The following PLCH2 variants were observed in gnomAD, a reference collection of about 807,000 sequenced individuals.
PLCH2 encodes phospholipase C eta 2, also known as 1-phosphatidylinositol 4,5-bisphosphate phosphodiesterase eta-2.
In PLCH2, 98 loss-of-function variants were observed where a neutral mutation model predicts 134.7. That is an observed-to-expected ratio of 0.73 (90% confidence interval 0.62 to 0.86). The LOEUF (loss-of-function observed/expected upper bound fraction) is 0.86, where lower values mean the gene tolerates loss of function less well. Ranked by LOEUF, PLCH2 falls within the 40% of genes least tolerant of loss-of-function variation. The pLI, the probability that PLCH2 is intolerant of heterozygous loss-of-function variation, is 0.00. For missense variants in PLCH2, 1,994 were observed against 1,986.6 expected (o/e 1.00, Z -0.07); for synonymous variants, 974 against 827.5 (o/e 1.18, Z -3.04).
intron 2 of PLCH2, among the ~76,000 whole-genome samples, chr1:2,438,429 G>A (rs1041333578): frequency 1.3e-5 from 2 of 152,140 alleles, no homozygotes; most frequent in Non-Finnish European, 2.9e-5. Context: ...CCAGGGGAGG[G>A]TCTGTCCAGG....
intron 21 of PLCH2, 60 bp from the exon 22 acceptor site, chr1:2,503,862 C>T (rs1643375598): frequency 3.0e-6 from 2 of 660,790 alleles, no homozygotes; most frequent in African/African-American, 3.6e-5. Flanking sequence ...CTCTCCCTGC[C>T]TCCCTCTCTC....
intron 2 of PLCH2, among the ~76,000 whole-genome samples, chr1:2,436,012 C>T (rs1406360954): frequency 1.8e-5 from 2 of 113,902 alleles, no homozygotes; most frequent in Non-Finnish European, 3.8e-5. Context: ...CTCCCGCTTC[C>T]CTCCTCTCTC....
rs202203161 is a variant in PLCH2 at position 2,499,715 on chromosome 1, G to A, written c.2656G>A (p.Gly886Ser). 1.8e-5 allele frequency: 29 copies of A among 1,581,198 alleles called. No individual in the cohort carries two copies. In the Admixed American group the frequency reaches 2.5e-4, roughly 14 times the overall value. The change falls in exon 20 of 22, where the codon GGT becomes AGT. Residue 886 changes from glycine to serine, a missense_variant. By Grantham distance (56) the Gly-to-Ser change is moderately conservative. Transcript: ENST00000378486. The stretch of plus-strand genomic sequence containing the variant: ...GCATGTGGCTGTCAGTGACATCAGC[G>A]GTAAGGTGAGTGTCACCCCCTGCCA... ...FVHVAVSDISGKVKQALGLKG... is the reference protein window; with the variant it reads ...FVHVAVSDISSKVKQALGLKG...
intron 2 of PLCH2, among the ~76,000 whole-genome samples, chr1:2,451,127 C>T (rs1401915187): frequency 6.6e-6 from 1 of 152,108 alleles, no homozygotes; most frequent in East Asian, 1.9e-4. Context: ...GCCTGGGGTC[C>T]AGGCCAGCAG....
At chr1:2,424,019 C>T (rs891579624), upstream of PLCH2, among the ~76,000 whole-genome samples, 4 of 152,166 alleles carry the variant, frequency 2.6e-5, no homozygotes, top group Non-Finnish European at 4.4e-5. Flanking sequence ...CCCACCCTGG[C>T]CTCCCAGCAT....
chr1:2,431,961 G>A (rs1413363999), intron 2 of PLCH2, among the ~76,000 whole-genome samples: 2 of 152,204 alleles, frequency 1.3e-5, no homozygotes, highest in Non-Finnish European at 2.9e-5. Flanking sequence ...GCACATTAGG[G>A]TGGTGGTTGG....
At chr1:2,424,297 C>G (rs1209790117), upstream of PLCH2, among the ~76,000 whole-genome samples, 3 of 102,750 alleles carry the variant, frequency 2.9e-5, no homozygotes, top group Non-Finnish European at 4.1e-5. Flanking sequence ...CACAACAGAA[C>G]TAAAAAATTC....
intron 11 of PLCH2, chr1:2,494,622 T>C: frequency 1.7e-6 from 1 of 588,078 alleles, no homozygotes. Flanking sequence ...GGCCTGACTT[T>C]CAGGCCGCTT....
rs759343666 is a variant in PLCH2, at chr1:2,496,588, C to T, written c.1836-19C>T. 6 of 1,596,650 alleles carry T rather than the reference C, an allele frequency of 3.8e-6. No individual in the cohort carries two copies. Among genetic ancestry groups the T allele is most frequent in the Admixed American group, 1.7e-5 (1 of 58,090 alleles). On this transcript the variant is annotated intron_variant, in intron 13 of 21. Coordinates refer to ENST00000378486, the MANE Select transcript of PLCH2 (RefSeq NM_014638.4). Reference sequence around the variant, plus strand: ...TGGCCCTGGACGGGAGGGGTTCTGACCCCCTGCACCTGCCACAGGGCGACC... The same window carrying T: ...TGGCCCTGGACGGGAGGGGTTCTGATCCCCTGCACCTGCCACAGGGCGACC...
rs778361609 is a variant in PLCH2, at chr1:2,504,194, G to C, written c.3232G>C (p.Gly1078Arg). The C allele has an allele frequency of 4.5e-6, 7 of 1,547,414 alleles. No homozygotes were observed. The highest frequency in any genetic ancestry group is 1.8e-4 in the Middle Eastern group (1 of 5,682). Residue 1078 changes from glycine to arginine, a missense_variant, in exon 22 of 22, where the codon GGC becomes CGC. By Grantham distance (125) the Gly-to-Arg change is moderately radical. Coordinates refer to ENST00000378486, the MANE Select transcript of PLCH2 (RefSeq NM_014638.4). ...GAGGGCCCCCGGCAGCCAGACGGAC[G>C]GCAGGAGCCAGCCCCGGACCCTGGG... Reference protein sequence around the residue: ...YERAPGSQTDGRSQPRTLGHL... With the variant: ...YERAPGSQTDRRSQPRTLGHL...
upstream of PLCH2, among the ~76,000 whole-genome samples, chr1:2,422,065 G>GT (rs1361640220): frequency 1.3e-5 from 2 of 152,000 alleles, no homozygotes; most frequent in African/African-American, 4.8e-5. Context: ...GAGGCCAGGA[G>GT]TTTGAGACCA....
Position 2,502,190 on chromosome 1 carries a change from C to A in PLCH2, c.2740C>A (p.Arg914=). Residue 914 remains arginine, a synonymous_variant, in exon 21 of 22, where the codon CGG becomes AGG. Transcript: ENST00000378486. The part of the protein sequence containing the change: ...PGSLDSHAAG[R]PPARPSVSQR... ...CTCGCTGGACAGTCATGCTGCTGGG[C>A]GGCCCCCGGCCCGGCCCTCCGTTAG... The A allele has an allele frequency of 6.5e-7, 1 of 1,532,728 alleles. No individual in the cohort carries two copies. Among genetic ancestry groups the A allele is most frequent in the Non-Finnish European group, 8.8e-7 (1 of 1,141,882 alleles). The allele number at this position is 1,532,728 out of a possible 1,614,324, so 94.9% of individuals were successfully genotyped here.
intron 2 of PLCH2, among the ~76,000 whole-genome samples, chr1:2,446,925 A>C (rs1444214578): frequency 6.6e-6 from 1 of 152,140 alleles, no homozygotes; most frequent in Non-Finnish European, 1.5e-5. Context: ...GTGCCCATGC[A>C]CAAGCACCTT....
chr1:2,461,277 T>G (rs1400453040), intron 2 of PLCH2, among the ~76,000 whole-genome samples: 1 of 152,152 alleles, frequency 6.6e-6, no homozygotes, highest in East Asian at 1.9e-4. Flanking sequence ...CAGCGTCCAG[T>G]GGGGCTCTGC....
chr1:2,449,623 G>A (rs981537077), intron 2 of PLCH2, among the ~76,000 whole-genome samples: 1 of 152,228 alleles, frequency 6.6e-6, no homozygotes, highest in Non-Finnish European at 1.5e-5. Flanking sequence ...TGCCTGGCCT[G>A]GGTGGGGCAG....
At chr1:2,497,314 C>T (rs1642949740) in intron 15 of PLCH2, among the ~76,000 whole-genome samples, 188 bp from the exon 16 acceptor site, 1 of 152,248 alleles carries the variant, frequency 6.6e-6, no homozygotes, top group Non-Finnish European at 1.5e-5. Flanking sequence ...GGATGTCCCT[C>T]CAGGATGTGC....
chr1:2,444,358 T>G lies in PLCH2; in HGVS notation c.115+13729T>G, dbSNP rs1639840633. 1.3e-5 allele frequency among the ~76,000 whole-genome samples: 2 copies of G among 152,066 alleles called. No homozygotes were observed. The highest frequency in any genetic ancestry group is 6.5e-5 in the Admixed American group (1 of 15,278). On this transcript the variant is annotated intron_variant, in intron 2 of 3. Coordinates refer to the PLCH2 transcript ENST00000609981. The surrounding 1 kb of genome is among the most constrained non-coding windows in gnomAD (Gnocchi z 4.6). ...GGGCACCCTGTGTGGGTCCGGGAGGTGCTGCGTGGACTTGCCGCATGGCAC... is the reference window on the plus strand; with the variant it reads ...GGGCACCCTGTGTGGGTCCGGGAGGGGCTGCGTGGACTTGCCGCATGGCAC...
At chr1:2,499,983 C>T (rs1029606016) in intron 20 of PLCH2, 26 of 573,012 alleles carry the variant, frequency 4.5e-5, no homozygotes, top group East Asian at 2.6e-4. Flanking sequence ...GGCCTTGCCC[C>T]GCCCTGTGTC....
In PLCH2 at chr1:2,440,351, T is replaced by C. The variant is rs898852161; in HGVS notation, c.115+9722T>C. Among the ~76,000 whole-genome samples, 4 of 150,456 alleles carry C rather than the reference T, an allele frequency of 2.7e-5. No homozygotes were observed. The East Asian group carries it at 7.7e-4, about 29-fold the overall frequency. On this transcript the variant is annotated intron_variant, in intron 2 of 3. Coordinates refer to the PLCH2 transcript ENST00000609981. ...GGTTGCCCCCAGGAGCACCCGGCCATGGTGGTGGGTGCCTCCACACAGTCT... is the reference window on the plus strand; with the variant it reads ...GGTTGCCCCCAGGAGCACCCGGCCACGGTGGTGGGTGCCTCCACACAGTCT...
Sources: gnomAD v4.1 joint callset for allele counts (sites outside exome capture counted in the v4.1 genomes callset) on GRCh38, gnomAD v4.1.1 for gene constraint, Gnocchi (gnomAD v3.1) non-coding constraint, MANE v1.5 for transcripts, NCBI Gene and HGNC (gene_info 2026-07-23, HGNC 2026-07-21) for gene names.